The following WWC1 variants were observed in gnomAD, a reference collection of about 807,000 sequenced individuals.
The protein encoded by WWC1 is WW and C2 domain containing 1.
A neutral mutation model predicts 138.4 loss-of-function variants in WWC1; 55 were observed. The observed-to-expected ratio is 0.40, with a 90% CI of 0.32 to 0.50. WWC1 has a LOEUF of 0.50. WWC1 is among the 20% of genes least tolerant of loss of function. The pLI is 0.72. For synonymous variants in WWC1, 524 were observed against 564.9 expected, an observed-to-expected ratio of 0.93 and a Z score of 1.03; for missense variants, 1,226 against 1,420.4, an observed-to-expected ratio of 0.86 and a Z score of 2.20.
chr5:168,453,510 C>T (rs1756021275), intron 17 of WWC1, among the ~76,000 whole-genome samples: 1 of 152,124 alleles, frequency 6.6e-6, no homozygotes, highest in South Asian at 2.1e-4. Context: ...TTGGCCAAAA[C>T]TCATCAAACT....
intron 21 of WWC1, among the ~76,000 whole-genome samples, chr5:168,465,987 G>A (rs559390168): frequency 1.7e-4 from 26 of 152,210 alleles, no homozygotes; most frequent in African/African-American, 5.8e-4. Flanking sequence ...TCGGGAAGAG[G>A]GACCATCTAG....
chr5:168,455,301 G>A (rs1756206596), intron 18 of WWC1, 55 bp from the exon 19 acceptor site: 2 of 1,519,126 alleles, frequency 1.3e-6, no homozygotes, highest in East Asian at 4.8e-5. Flanking sequence ...GGTCTCTGGT[G>A]GGTGGCTGAG....
intron 2 of WWC1, among the ~76,000 whole-genome samples, chr5:168,378,358 AGCATCAT>A (rs1159311850): frequency 6.6e-6 from 1 of 152,218 alleles, no homozygotes; most frequent in Admixed American, 6.5e-5. Flanking sequence ...CCCAAACCTC[AGCATCAT>A]GCAATACATC....
Position 168,428,055 on chromosome 5 carries a change from T to C in WWC1, c.1833T>C (p.Cys611=). The change falls in exon 12 of 23, where the codon TGT becomes TGC. Residue 611 remains cysteine (C), a synonymous_variant. Transcript: ENST00000265293. The part of the protein sequence containing the change: ...LGQAVNTAQG[C]GLKVACVSAA... ...TAGCTGTGAATACGGCCCAGGGGTG[T>C]GGCCTGAAAGTGGCCTGTGTCTCAG... is the stretch of plus-strand genomic sequence containing the variant. 6.2e-7 allele frequency: 1 copy of C among 1,613,750 alleles called. No homozygotes were observed. Among genetic ancestry groups the C allele is most frequent in the Non-Finnish European group, 8.5e-7 (1 of 1,179,762 alleles).
At chr5:168,401,722 G>C (rs541921128) in intron 5 of WWC1, among the ~76,000 whole-genome samples, 1 of 152,062 alleles carries the variant, frequency 6.6e-6, no homozygotes, top group African/African-American at 2.4e-5. Context: ...CGTTATATAC[G>C]TGTTATTTAT....
At chr5:168,334,769 G>A (rs1484693007) in intron 1 of WWC1, among the ~76,000 whole-genome samples, 1 of 152,250 alleles carries the variant, frequency 6.6e-6, no homozygotes, top group Non-Finnish European at 1.5e-5. Flanking sequence ...CTGCTAAGCA[G>A]CAATGCTTCT....
intron 1 of WWC1, among the ~76,000 whole-genome samples, chr5:168,329,900 A>G (rs1024833780): frequency 3.3e-5 from 5 of 152,086 alleles, no homozygotes; most frequent in African/African-American, 1.2e-4. Flanking sequence ...ACCTGAGGTC[A>G]GGAGTTTAAG....
intron 1 of WWC1, among the ~76,000 whole-genome samples, chr5:168,301,434 A>G (rs1003636959): frequency 6.6e-6 from 1 of 152,156 alleles, no homozygotes; most frequent in African/African-American, 2.4e-5. Context: ...TCAGAAGTTC[A>G]AGACCACCCT....
chr5:168,296,317 C>T (rs895167459), intron 1 of WWC1, among the ~76,000 whole-genome samples: 2 of 152,096 alleles, frequency 1.3e-5, no homozygotes, highest in African/African-American at 4.8e-5. Flanking sequence ...GCTGGAGAGG[C>T]CATGCTGAGA....
intron 1 of WWC1, among the ~76,000 whole-genome samples, chr5:168,322,573 C>T (rs1772205064): frequency 6.6e-6 from 1 of 152,198 alleles, no homozygotes; most frequent in African/African-American, 2.4e-5. Context: ...ATCCTCAGCA[C>T]CTAGCACAAG....
intron 3 of WWC1, among the ~76,000 whole-genome samples, chr5:168,391,734 G>A (rs375123026): frequency 1.5e-5 from 2 of 131,310 alleles, no homozygotes; most frequent in South Asian, 2.5e-4. Context: ...AAAACTAGGA[G>A]TATCAGATAA....
chr5:168,378,407 A>G (rs1234172450), intron 2 of WWC1, among the ~76,000 whole-genome samples: 1 of 152,168 alleles, frequency 6.6e-6, no homozygotes, highest in Non-Finnish European at 1.5e-5. Context: ...TACCCCCTGA[A>G]TCTAAAATTT....
chr5:168,351,995 T>C (rs1175511290), intron 1 of WWC1, among the ~76,000 whole-genome samples: 1 of 152,166 alleles, frequency 6.6e-6, no homozygotes, highest in Non-Finnish European at 1.5e-5. Context: ...AGCAGCAGAT[T>C]CCGATCTCAG....
At chr5:168,444,921 T>G (rs1755110392) in intron 17 of WWC1, among the ~76,000 whole-genome samples, 1 of 152,088 alleles carries the variant, frequency 6.6e-6, no homozygotes, top group South Asian at 2.1e-4. Context: ...TTGTGTAGTT[T>G]GCCATAAATT....
intron 17 of WWC1, among the ~76,000 whole-genome samples, chr5:168,450,239 A>G (rs1348531509): frequency 6.6e-6 from 1 of 152,180 alleles, no homozygotes; most frequent in Non-Finnish European, 1.5e-5. Context: ...GTCACACCAA[A>G]TCCTTCCAAC....
intron 11 of WWC1, among the ~76,000 whole-genome samples, chr5:168,426,904 A>G (rs1781548001): frequency 6.6e-6 from 1 of 152,208 alleles, no homozygotes; most frequent in Non-Finnish European, 1.5e-5. Context: ...TCATCTTTGT[A>G]GTTCTGAACA....
At chr5:168,460,931 G>A (rs973216134) in intron 20 of WWC1, among the ~76,000 whole-genome samples, 189 bp downstream of exon 20, 4 of 152,170 alleles carry the variant, frequency 2.6e-5, no homozygotes, top group Admixed American at 2.0e-4. Flanking sequence ...CACAGGGGAA[G>A]GTGCTGAAGG....
intron 1 of WWC1, among the ~76,000 whole-genome samples, chr5:168,353,356 C>G (rs1046929552): frequency 1.3e-5 from 2 of 152,248 alleles, no homozygotes; most frequent in Non-Finnish European, 2.9e-5. Context: ...CTTCCAGACC[C>G]TGAGGCAGTC....
At chr5:168,346,913 G>A (rs1434257890) in intron 1 of WWC1, among the ~76,000 whole-genome samples, 1 of 152,168 alleles carries the variant, frequency 6.6e-6, no homozygotes, top group Non-Finnish European at 1.5e-5. Flanking sequence ...TGGGGCACTG[G>A]ACAGATTTTC....
Sources: gnomAD v4.1 joint callset for allele counts (sites outside exome capture counted in the v4.1 genomes callset) on GRCh38, gnomAD v4.1.1 for gene constraint, MANE v1.5 for transcripts, NCBI Gene and HGNC (gene_info 2026-07-23, HGNC 2026-07-21) for gene names.